Variants in CASC3 observed in about 807,000 individuals in gnomAD.
The protein encoded by CASC3 is CASC3 exon junction complex subunit, also known as protein CASC3.
Under a neutral mutation model 80.5 loss-of-function variants are expected in CASC3, and 30 were observed. The ratio of observed to expected loss-of-function variants is 0.37; its 90% confidence interval spans 0.28 to 0.51. CASC3 has a LOEUF of 0.51. Among genes scored for constraint, CASC3 ranks in the 20% least tolerant of loss-of-function variants. CASC3 has a pLI of 0.94. For synonymous variants in CASC3, 312 were observed against 333.6 expected (o/e 0.94, Z 0.70); for missense variants, 824 against 922.2 (o/e 0.89, Z 1.38).
In CASC3 at chr17:40,171,930, G is replaced by GGT; in HGVS notation, c.*1526_*1527dup. ...AGAGATTCTTCTAGGGGTAGCTGGT[G>GGT]GTTGTGCCTTTTGTAGGCTGTTCCC... On this transcript the variant is annotated 3_prime_UTR_variant, in exon 14 of 14. Transcript: ENST00000264645. The GGT allele has an allele frequency of 7.9e-7, 1 of 1,270,424 alleles. No homozygotes were observed. Among genetic ancestry groups the GGT allele is most frequent in the Non-Finnish European group, 1.0e-6 (1 of 978,728 alleles). The allele number at this position is 1,270,424 out of a possible 1,614,324, so 78.7% of individuals were successfully genotyped here. A position where few individuals can be genotyped will look rare whatever the true frequency, so the allele number is the denominator to read the frequency against.
At chr17:40,157,141 C>T (rs1354610949) in intron 3 of CASC3, among the ~76,000 whole-genome samples, 1 of 150,390 alleles carries the variant, frequency 6.6e-6, no homozygotes, top group African/African-American at 2.5e-5. Flanking sequence ...GTCAGGAGAT[C>T]GAGACCATCC....
rs1989483305 is a variant in CASC3 at position 40,167,582 on chromosome 17, A to C, written c.1621A>C (p.Ser541Arg). 8 of 1,613,308 alleles carry C rather than the reference A, an allele frequency of 5.0e-6. No homozygotes were observed. The highest frequency in any genetic ancestry group is 5.9e-6 in the Non-Finnish European group (7 of 1,179,440). Reference protein sequence around the residue: ...PEPPAPPVHISIMEGHYYDPL... With the variant: ...PEPPAPPVHIRIMEGHYYDPL... ...GCCCCCCGCCCCTCCAGTGCATATC[A>C]GTATCATGGAGGGACATTACTATGA... The change falls in exon 9 of 14, where the codon AGT becomes CGT. Residue 541 changes from serine (S) to arginine (R), a missense_variant. Ser to Arg is a moderately radical substitution (Grantham distance 110). Around this residue, in one of 3 missense-constraint regions of CASC3, gnomAD observed 464 missense variants for 506.0 expected, o/e 0.92. Transcript: ENST00000264645.
Position 40,140,711 on chromosome 17 carries a change from C to G in CASC3, c.163C>G (p.Arg55Gly). 3 of 1,566,638 alleles carry G rather than the reference C, an allele frequency of 1.9e-6. No individual in the cohort carries two copies. Among genetic ancestry groups the G allele is most frequent in the Non-Finnish European group, 1.7e-6 (2 of 1,158,074 alleles). ...SGSLPSQRGG[R>G]TGALHLRRVE... ...CTCTCTGCCTTCACAGCGCGGAGGC[C>G]GAACCGGGGCCCTTCATCTGCGGCG... Residue 55 changes from arginine to glycine, a missense_variant, in exon 1 of 14, where the codon CGA becomes GGA. This residue lies in a region of CASC3 where 159 missense variants were observed against 122.2 expected (regional missense o/e 1.30). Transcript: ENST00000264645.
intron 6 of CASC3, 24 bp from the exon 7 acceptor site, chr17:40,163,457 G>A: frequency 6.3e-7 from 1 of 1,586,570 alleles, no homozygotes; most frequent in Non-Finnish European, 8.6e-7. Context: ...TTTCCTAACA[G>A]TTTCTTCATT....
At chr17:40,169,541 C>G in intron 12 of CASC3, 57 bp from the exon 13 acceptor site, 1 of 1,578,978 alleles carries the variant, frequency 6.3e-7, no homozygotes, top group Non-Finnish European at 8.6e-7. Context: ...GTGTGTTTCT[C>G]TGGAAAACAG....
At chr17:40,156,676 G>A (rs1270005586) in intron 3 of CASC3, among the ~76,000 whole-genome samples, 1 of 151,936 alleles carries the variant, frequency 6.6e-6, no homozygotes, top group Non-Finnish European at 1.5e-5. Flanking sequence ...GCGACAGAGT[G>A]AGACTCCGTT....
chr17:40,168,586 G>A, intron 11 of CASC3, 169 bp downstream of exon 11: 1 of 631,656 alleles, frequency 1.6e-6, no homozygotes, highest in Non-Finnish European at 2.8e-6. Context: ...TGCAGCTTAT[G>A]TAATGCCCAT....
At chr17:40,149,537 C>G (rs183443290) in intron 3 of CASC3, among the ~76,000 whole-genome samples, 1 of 148,028 alleles carries the variant, frequency 6.8e-6, no homozygotes, top group Admixed American at 6.7e-5. Flanking sequence ...CAAATAAGGT[C>G]AAAGATTGAA....
At chr17:40,154,696 G>A (rs1179392907) in intron 3 of CASC3, among the ~76,000 whole-genome samples, 2 of 152,088 alleles carry the variant, frequency 1.3e-5, no homozygotes, top group African/African-American at 4.8e-5. Flanking sequence ...TTTTGATGAA[G>A]CCTGGTTTAT....
chr17:40,166,749 A>T (rs774258838), intron 7 of CASC3, 48 bp from the exon 8 acceptor site: 69 of 1,306,432 alleles, frequency 5.3e-5, no homozygotes, highest in Non-Finnish European at 3.2e-6. Flanking sequence ...TTTGAGTCCC[A>T]CTCACGTATG....
At chr17:40,148,593 C>G (rs1419730862) in intron 3 of CASC3, among the ~76,000 whole-genome samples, 1 of 151,930 alleles carries the variant, frequency 6.6e-6, no homozygotes, top group African/African-American at 2.4e-5. Context: ...ACTCCTGACT[C>G]AGATGATCCA....
intron 3 of CASC3, among the ~76,000 whole-genome samples, chr17:40,158,392 A>G (rs1425346584): frequency 6.6e-6 from 1 of 152,150 alleles, no homozygotes; most frequent in African/African-American, 2.4e-5. Context: ...CAGGTTTCAG[A>G]TGTAACCCAC....
At chr17:40,157,643 C>G (rs557979754) in intron 3 of CASC3, among the ~76,000 whole-genome samples, 66 of 152,086 alleles carry the variant, frequency 4.3e-4, no homozygotes, top group African/African-American at 1.5e-3. Context: ...CCATTGCACT[C>G]CAGCCTGGGC....
intron 11 of CASC3, 33 bp from the exon 12 acceptor site, chr17:40,169,291 A>G (rs760752706): frequency 2.0e-6 from 3 of 1,501,132 alleles, no homozygotes; most frequent in Non-Finnish European, 2.7e-6. Flanking sequence ...ATTCATTCCT[A>G]ACTTTTTCTT....
intron 8 of CASC3, chr17:40,167,128 AT>A (rs1220226574): frequency 2.0e-6 from 1 of 497,376 alleles, no homozygotes; most frequent in Non-Finnish European, 3.5e-6. Flanking sequence ...TGCCCAGCTA[AT>A]TTTTGTATTT....
chr17:40,167,912 A>G lies in CASC3; in HGVS notation c.1714A>G (p.Met572Val). 6.2e-7 allele frequency: 1 copy of G among 1,614,144 alleles called. No individual in the cohort carries two copies. The highest frequency in any genetic ancestry group is 8.5e-7 in the Non-Finnish European group (1 of 1,180,018). Residue 572 changes from methionine to valine, a missense_variant, in exon 10 of 14, where the codon ATG becomes GTG. Physicochemically the swap from Met to Val is conservative, Grantham distance 21 (BLOSUM62 1). This residue lies in a region of CASC3 where 464 missense variants were observed against 506.0 expected (regional missense o/e 0.92). Coordinates refer to ENST00000264645, the MANE Select transcript of CASC3 (RefSeq NM_007359.5). ...CCCTGCCCCGCTGCCTCCACAGGGC[A>G]TGCTTGTGCAGCCAGGAATGAACCT... ...DSPAPLPPQG[M>V]LVQPGMNLPH...
intron 3 of CASC3, among the ~76,000 whole-genome samples, chr17:40,149,849 C>G (rs548404803): frequency 6.6e-6 from 1 of 151,280 alleles, no homozygotes; most frequent in Non-Finnish European, 1.5e-5. Context: ...ACTAAAAATA[C>G]AAAAAATTAG....
At chr17:40,162,968 C>T (rs2145176547) in intron 6 of CASC3, 67 bp downstream of exon 6, 5 of 1,441,380 alleles carry the variant, frequency 3.5e-6, no homozygotes, top group East Asian at 4.6e-5. Flanking sequence ...CACCTGGAAT[C>T]CCGGCACTTT....
chr17:40,143,181 C>G (rs1296051258), intron 3 of CASC3, among the ~76,000 whole-genome samples: 3 of 152,140 alleles, frequency 2.0e-5, no homozygotes, highest in Non-Finnish European at 2.9e-5. Context: ...CGCGATGGCT[C>G]ACACCTGTAA....
Sources: gnomAD v4.1 joint callset for allele counts (sites outside exome capture counted in the v4.1 genomes callset) on GRCh38, gnomAD v4.1.1 for gene constraint, gnomAD v4.1.1 regional missense constraint, MANE v1.5 for transcripts, NCBI Gene and HGNC (gene_info 2026-07-23, HGNC 2026-07-21) for gene names.